Variants in TBC1D5 observed in about 807,000 individuals in gnomAD.
TBC1D5 encodes the protein TBC1 domain family, member 5.
A neutral mutation model predicts 100.3 loss-of-function variants in TBC1D5; 75 were observed. The observed-to-expected ratio is 0.75, with a 90% CI of 0.62 to 0.91. TBC1D5 has a LOEUF of 0.91. Among genes scored for constraint, TBC1D5 ranks in the 40% least tolerant of loss-of-function variants. The pLI, the probability that TBC1D5 is intolerant of heterozygous loss-of-function variation, is 0.00. For missense variants in TBC1D5, 910 were observed against 942.4 expected, an observed-to-expected ratio of 0.97 and a Z score of 0.45; for synonymous variants, 323 against 325.6, an observed-to-expected ratio of 0.99 and a Z score of 0.09.
chr3:17,442,748 T>C (rs1032417947), intron 3 of TBC1D5, among the ~76,000 whole-genome samples: 3 of 152,058 alleles, frequency 2.0e-5, no homozygotes, highest in African/African-American at 4.8e-5. Flanking sequence ...TAAAAAAGCA[T>C]GGAAAGGACT....
chr3:17,327,819 TG>T (rs1030872922), intron 13 of TBC1D5, among the ~76,000 whole-genome samples: 14 of 152,256 alleles, frequency 9.2e-5, no homozygotes, highest in African/African-American at 2.6e-4. Flanking sequence ...TTGCTGTATG[TG>T]GTTTTTTTTC....
intron 1 of TBC1D5, among the ~76,000 whole-genome samples, chr3:17,672,836 G>A (rs1020816138): frequency 2.0e-5 from 3 of 152,102 alleles, no homozygotes; most frequent in Non-Finnish European, 4.4e-5. Context: ...CAGCTTGTCC[G>A]TGTGCTGAAA....
At chr3:17,274,281 A>T (rs78584180) in intron 15 of TBC1D5, among the ~76,000 whole-genome samples, 41 of 152,332 alleles carry the variant, frequency 2.7e-4, no homozygotes, top group Middle Eastern at 3.4e-3. Context: ...TTTTGAATGA[A>T]TATGTCCTAA....
chr3:17,575,756 AC>A (rs1419031880), intron 2 of TBC1D5, among the ~76,000 whole-genome samples: 9 of 152,136 alleles, frequency 5.9e-5, no homozygotes, highest in Non-Finnish European at 1.0e-4. Context: ...ATATGTACCA[AC>A]AAACTATGAA....
At chr3:17,216,252 T>C (rs1047600055) in intron 17 of TBC1D5, among the ~76,000 whole-genome samples, 1 of 152,082 alleles carries the variant, frequency 6.6e-6, no homozygotes, top group Non-Finnish European at 1.5e-5. Context: ...TGAACTAACA[T>C]CATGCTCTTC....
intron 14 of TBC1D5, among the ~76,000 whole-genome samples, chr3:17,296,839 G>T (rs2082303666): frequency 6.6e-6 from 1 of 152,166 alleles, no homozygotes; most frequent in Non-Finnish European, 1.5e-5. Context: ...ATTTTGTGCA[G>T]AATAATATAA....
intron 2 of TBC1D5, among the ~76,000 whole-genome samples, chr3:17,613,867 C>T (rs1458760925): frequency 9.2e-5 from 14 of 152,186 alleles, no homozygotes. Flanking sequence ...GTTTCTTTTG[C>T]TATGCAGAAG....
At chr3:17,561,310 T>G (rs889079309) in intron 2 of TBC1D5, among the ~76,000 whole-genome samples, 5 of 152,164 alleles carry the variant, frequency 3.3e-5, no homozygotes, top group African/African-American at 4.8e-5. Context: ...TTTACATATA[T>G]ACATAAAAAC....
intron 2 of TBC1D5, among the ~76,000 whole-genome samples, chr3:17,584,903 GC>G (rs1233094396): frequency 6.6e-6 from 1 of 152,086 alleles, no homozygotes; most frequent in Non-Finnish European, 1.5e-5. Context: ...TATTTCACCC[GC>G]CTCAGACTCC....
At chr3:17,740,017 C>CA (rs1280178684) in exon 1 of TBC1D5, 121 of 138,576 alleles carry the variant, frequency 8.7e-4, no homozygotes, top group African/African-American at 1.4e-3. Flanking sequence ...AAACAAAAAA[C>CA]AAAAAAAAAA....
intron 16 of TBC1D5, among the ~76,000 whole-genome samples, chr3:17,240,716 A>G (rs572551201): frequency 2.6e-5 from 4 of 152,146 alleles, no homozygotes; most frequent in African/African-American, 7.2e-5. Flanking sequence ...GTTGCATTTT[A>G]GTTTTGCTTG....
At chr3:17,378,893 T>C (rs1013794363) in intron 9 of TBC1D5, among the ~76,000 whole-genome samples, 20 of 151,760 alleles carry the variant, frequency 1.3e-4, no homozygotes, top group Non-Finnish European at 2.1e-4. Context: ...CTTCAATAAA[T>C]TCAATCTATT....
At chr3:17,327,786 T>C (rs955842084) in intron 13 of TBC1D5, among the ~76,000 whole-genome samples, 1 of 152,200 alleles carries the variant, frequency 6.6e-6, no homozygotes, top group Non-Finnish European at 1.5e-5. Context: ...GCAAGTTCGA[T>C]AGGGCATGAA....
intron 13 of TBC1D5, among the ~76,000 whole-genome samples, chr3:17,324,211 C>T (rs762033036): frequency 3.3e-5 from 5 of 152,060 alleles, no homozygotes; most frequent in East Asian, 1.9e-4. Flanking sequence ...TTGTACAACG[C>T]CTTGAAAATA....
At chr3:17,246,021 C>T (rs1175363883) in intron 16 of TBC1D5, among the ~76,000 whole-genome samples, 1 of 152,034 alleles carries the variant, frequency 6.6e-6, no homozygotes, top group East Asian at 1.9e-4. Flanking sequence ...CCTCTCTTTT[C>T]CCACTTTGAG....
At chr3:17,458,839 T>C (rs868276204) in intron 3 of TBC1D5, among the ~76,000 whole-genome samples, 4 of 152,226 alleles carry the variant, frequency 2.6e-5, no homozygotes, top group South Asian at 2.1e-4. Flanking sequence ...ATTGTGGTTT[T>C]CAAAGCTTAC....
intron 16 of TBC1D5, among the ~76,000 whole-genome samples, chr3:17,249,019 C>T (rs2076973363): frequency 6.6e-6 from 1 of 152,178 alleles, no homozygotes; most frequent in South Asian, 2.1e-4. Context: ...AACTTTTCTT[C>T]TGCAGCTTCC....
At chr3:17,654,921 C>T (rs2065912637) in intron 1 of TBC1D5, among the ~76,000 whole-genome samples, 1 of 151,692 alleles carries the variant, frequency 6.6e-6, no homozygotes, top group African/African-American at 2.4e-5. Context: ...TTATCCATTT[C>T]TTCTAGATTT....
chr3:17,416,623 A>G (rs1361367605), intron 4 of TBC1D5, among the ~76,000 whole-genome samples: 1 of 152,220 alleles, frequency 6.6e-6, no homozygotes, highest in Non-Finnish European at 1.5e-5. Context: ...AACATGGCAT[A>G]TAATTATTCT....
Sources: allele counts gnomAD v4.1 joint callset (sites outside exome capture counted in the v4.1 genomes callset), GRCh38; gene constraint gnomAD v4.1.1; transcripts MANE v1.5; gene names NCBI Gene and HGNC (gene_info 2026-07-23, HGNC 2026-07-21).